GPC5: variants seen among roughly 807,000 people sequenced by gnomAD.
The protein encoded by GPC5 is glypican-5.
GPC5 carries 47 observed loss-of-function variants against 53.9 expected under a neutral mutation model. The ratio of observed to expected loss-of-function variants is 0.87; its 90% CI spans 0.69 to 1.11. The LOEUF (loss-of-function observed/expected upper bound fraction) is 1.11, where lower values mean the gene tolerates loss of function less well. GPC5 is among the 50% of genes most tolerant of loss of function. GPC5 has a pLI of 0.00. For missense variants in GPC5, 748 were observed against 713.1 expected (o/e 1.05, Z -0.56); for synonymous variants, 286 against 263.3 (o/e 1.09, Z -0.84).
intron 6 of GPC5, among the ~76,000 whole-genome samples, chr13:92,116,758 G>A (rs925780614): frequency 1.3e-5 from 2 of 152,188 alleles, no homozygotes; most frequent in Non-Finnish European, 2.9e-5. Flanking sequence ...ACAGTATGTA[G>A]TGGTATCTCA....
intron 7 of GPC5, among the ~76,000 whole-genome samples, chr13:92,574,074 CT>C (rs1883117433): frequency 6.6e-6 from 1 of 152,156 alleles, no homozygotes; most frequent in Non-Finnish European, 1.5e-5. Context: ...CCTAAGGTAT[CT>C]TTTAGTTTCC....
intron 2 of GPC5, among the ~76,000 whole-genome samples, chr13:91,654,922 A>C (rs1254600439): frequency 6.6e-6 from 1 of 152,158 alleles, no homozygotes; most frequent in Non-Finnish European, 1.5e-5. Flanking sequence ...CTATAATTGT[A>C]TCTGTAACAC....
chr13:91,881,069 G>C (rs1171962233), intron 5 of GPC5, among the ~76,000 whole-genome samples: 1 of 152,112 alleles, frequency 6.6e-6, no homozygotes, highest in East Asian at 1.9e-4. Context: ...GGGATTACAG[G>C]GGTAAGCCAC....
At chr13:92,625,846 C>G (rs769229403) in intron 7 of GPC5, among the ~76,000 whole-genome samples, 11 of 152,138 alleles carry the variant, frequency 7.2e-5, no homozygotes, top group African/African-American at 1.2e-4. Flanking sequence ...CCTTGAGACT[C>G]AAAGGTGATG....
At chr13:91,611,283 A>G (rs1283218064) in intron 2 of GPC5, among the ~76,000 whole-genome samples, 1 of 152,226 alleles carries the variant, frequency 6.6e-6, no homozygotes, top group African/African-American at 2.4e-5. Flanking sequence ...AATTTCTTAT[A>G]ACAACTCTCG....
chr13:92,845,009 CA>C, intron 7 of GPC5, among the ~76,000 whole-genome samples: 1 of 152,148 alleles, frequency 6.6e-6, no homozygotes, highest in East Asian at 1.9e-4. Flanking sequence ...TAGTGTTCCA[CA>C]GGGTGCCATA....
intron 2 of GPC5, among the ~76,000 whole-genome samples, chr13:91,591,099 C>G (rs1289586229): frequency 6.6e-6 from 1 of 152,168 alleles, no homozygotes; most frequent in Non-Finnish European, 1.5e-5. Context: ...GCTCCTAAGA[C>G]AGTGATAGGC....
intron 2 of GPC5, among the ~76,000 whole-genome samples, chr13:91,483,307 G>A (rs915783757): frequency 5.3e-5 from 8 of 152,154 alleles, no homozygotes; most frequent in Non-Finnish European, 1.0e-4. Context: ...CTAGGCTGAT[G>A]GCTCAAATAA....
At chr13:91,907,414 CAT>C (rs2138996784) in intron 5 of GPC5, among the ~76,000 whole-genome samples, 1 of 103,178 alleles carries the variant, frequency 9.7e-6, no homozygotes, top group East Asian at 4.1e-4. Flanking sequence ...GATATATGTA[CAT>C]GTATATATAT....
intron 7 of GPC5, among the ~76,000 whole-genome samples, chr13:92,196,941 G>A (rs1349659330): frequency 6.6e-6 from 1 of 152,146 alleles, no homozygotes; most frequent in East Asian, 1.9e-4. Context: ...ATATTTATTT[G>A]GGTAGGCCTG....
chr13:92,508,423 T>C (rs1440518486), intron 7 of GPC5, among the ~76,000 whole-genome samples: 1 of 152,186 alleles, frequency 6.6e-6, no homozygotes, highest in Non-Finnish European at 1.5e-5. Context: ...TATACAGAAC[T>C]TTTAATACAA....
chr13:91,753,946 C>T lies in GPC5; in HGVS notation c.1155-2349C>T, dbSNP rs112665545. Reference sequence around the variant, plus strand: ...AGAAGGCAGGTGCTCTCTTGCTTACCTGTGAATCCTTAGTGCCAATAAAAA... The same window carrying T: ...AGAAGGCAGGTGCTCTCTTGCTTACTTGTGAATCCTTAGTGCCAATAAAAA... On this transcript the variant is annotated intron_variant, in intron 4 of 7. Transcript: ENST00000377067. Among the ~76,000 whole-genome samples, 988 of 152,236 alleles carry T rather than the reference C, an allele frequency of 6.5e-3. 13 individuals are homozygous for T. The highest frequency in any genetic ancestry group is 0.023 in the African/African-American group (936 of 41,542).
chr13:92,094,346 C>T lies in GPC5; in HGVS notation c.1402-50484C>T, dbSNP rs559150467. On this transcript the variant is annotated intron_variant, in intron 6 of 7. Transcript: ENST00000377067. ...TCTGGCTAACACGGTGAAACCATGTCTCTACTAAAAATACAAAAACAAAAT... is the reference window on the plus strand; with the variant it reads ...TCTGGCTAACACGGTGAAACCATGTTTCTACTAAAAATACAAAAACAAAAT... Among the ~76,000 whole-genome samples, 8 of 151,820 alleles carry T rather than the reference C, an allele frequency of 5.3e-5. No individual in the cohort carries two copies. The East Asian group carries it at 1.6e-3, about 29-fold the overall frequency.
At chr13:92,006,569 TG>T (rs1347500026) in intron 6 of GPC5, among the ~76,000 whole-genome samples, 1 of 152,180 alleles carries the variant, frequency 6.6e-6, no homozygotes, top group Non-Finnish European at 1.5e-5. Context: ...TCTCTCCTAA[TG>T]TCGATTCATA....
chr13:92,158,880 T>C (rs1358430387), intron 7 of GPC5, among the ~76,000 whole-genome samples: 1 of 152,182 alleles, frequency 6.6e-6, no homozygotes, highest in African/African-American at 2.4e-5. Flanking sequence ...TGTTGAACAA[T>C]AGCTTTTAGT....
At chr13:91,736,343 G>A (rs1281190845) in intron 4 of GPC5, among the ~76,000 whole-genome samples, 4 of 151,244 alleles carry the variant, frequency 2.6e-5, no homozygotes, top group Non-Finnish European at 5.9e-5. Context: ...GATGAAAAGT[G>A]TTTTTTAAAA....
At chr13:92,386,136 G>A (rs1032962086) in intron 7 of GPC5, among the ~76,000 whole-genome samples, 20 of 151,970 alleles carry the variant, frequency 1.3e-4, no homozygotes, top group Middle Eastern at 3.4e-3. Flanking sequence ...GTTATGGTCC[G>A]TGAAAAATCT....
chr13:92,334,381 A>G (rs1347289316), intron 7 of GPC5, among the ~76,000 whole-genome samples: 1 of 152,040 alleles, frequency 6.6e-6, no homozygotes, highest in African/African-American at 2.4e-5. Context: ...TGATTCAATT[A>G]CCTCCACTAG....
At chr13:91,642,674 G>C (rs1214999581) in intron 2 of GPC5, among the ~76,000 whole-genome samples, 2 of 151,494 alleles carry the variant, frequency 1.3e-5, no homozygotes, top group Non-Finnish European at 2.9e-5. Flanking sequence ...AAGTGGAAGG[G>C]GAAGAGGACT....
Sources: gnomAD v4.1 joint callset for allele counts (sites outside exome capture counted in the v4.1 genomes callset) on GRCh38, gnomAD v4.1.1 for gene constraint, MANE v1.5 for transcripts, NCBI Gene and HGNC (gene_info 2026-07-23, HGNC 2026-07-21) for gene names.